SDC1: variants seen among roughly 807,000 people sequenced by gnomAD.
The protein encoded by SDC1 is syndecan-1.
Under a neutral mutation model 29.7 loss-of-function variants are expected in SDC1, and 14 were observed. The observed-to-expected ratio is 0.47, with a 90% CI of 0.31 to 0.74. SDC1 has a LOEUF of 0.74. Ranked by LOEUF, SDC1 falls within the 30% of genes least tolerant of loss-of-function variation. The pLI is 0.05. For synonymous variants in SDC1, 204 were observed against 175.5 expected (o/e 1.16, Z -1.29); for missense variants, 406 against 400.3 (o/e 1.01, Z -0.12).
At chr2:20,205,767 C>G (rs1677246929) in intron 1 of SDC1, among the ~76,000 whole-genome samples, 1 of 152,204 alleles carries the variant, frequency 6.6e-6, no homozygotes, top group African/African-American at 2.4e-5. Flanking sequence ...AGGCTGTGGT[C>G]CCCATGGGAC....
intron 1 of SDC1, among the ~76,000 whole-genome samples, chr2:20,219,514 C>A (rs1572473321): frequency 6.6e-6 from 1 of 152,238 alleles, no homozygotes; most frequent in Admixed American, 6.5e-5. Flanking sequence ...CCCAAACATA[C>A]CTCCTTGTGG....
At chr2:20,225,379 A>T (rs1366073992), upstream of SDC1, 1 of 151,838 alleles carries the variant, frequency 6.6e-6, no homozygotes, top group Non-Finnish European at 1.5e-5. Context: ...GCCGAGGCGC[A>T]CCCCCTTCTG....
chr2:20,212,525 G>A (rs1049265453), intron 1 of SDC1, among the ~76,000 whole-genome samples: 1 of 152,238 alleles, frequency 6.6e-6, no homozygotes, highest in Admixed American at 6.5e-5. Context: ...TGCAGATGGG[G>A]TCTGGGCCTC....
At position 20,202,378 on chromosome 2, in the gene SDC1, C is replaced by T; in HGVS notation, c.*388G>A. ...CAGTAAGTGCTACAGGTGTGTGAGC[C>T]CCAAGCCCCACCCGCAGGATCTTCC... On this transcript the variant is annotated 3_prime_UTR_variant, in exon 5 of 5. Coordinates refer to ENST00000254351, the MANE Select transcript of SDC1 (RefSeq NM_002997.5). The T allele has an allele frequency of 1.4e-6, 1 of 731,308 alleles. No homozygotes were observed. 45.3% of individuals were successfully genotyped at this position (731,308 alleles called of 1,614,324 possible).
intron 1 of SDC1, among the ~76,000 whole-genome samples, chr2:20,219,608 C>T (rs1394341115): frequency 6.6e-6 from 1 of 152,208 alleles, no homozygotes; most frequent in Non-Finnish European, 1.5e-5. Flanking sequence ...AGAATACATG[C>T]TCCCATCCAA....
At chr2:20,213,611 C>T (rs1031490948) in intron 1 of SDC1, among the ~76,000 whole-genome samples, 1 of 152,224 alleles carries the variant, frequency 6.6e-6, no homozygotes, top group Non-Finnish European at 1.5e-5. Flanking sequence ...CACTGTCCCT[C>T]CCCCAGCCCT....
Position 20,202,056 on chromosome 2 carries a change from C to T in SDC1, c.*710G>A, listed in dbSNP as rs1471856335. The T allele has an allele frequency of 1.8e-6, 1 of 543,370 alleles. No homozygotes were observed. Among genetic ancestry groups the T allele is most frequent in the Non-Finnish European group, 3.2e-6 (1 of 310,668 alleles). The allele number at this position is 543,370 out of a possible 1,614,324, so 33.7% of individuals were successfully genotyped here. A position where few individuals can be genotyped will look rare whatever the true frequency, so the allele number is the denominator to read the frequency against. On this transcript the variant is annotated 3_prime_UTR_variant, in exon 5 of 5. Transcript: ENST00000254351. ...ACAAACTCAAGAGACAACACACAAA[C>T]TAAGCCTACATTTTGGCTTCCAGAT... is the stretch of plus-strand genomic sequence containing the variant.
In SDC1 at chr2:20,206,552, T is replaced by C. The variant is rs538350212; in HGVS notation, c.67-1128A>G. On this transcript the variant is annotated intron_variant, in intron 1 of 4. Coordinates refer to ENST00000254351, the MANE Select transcript of SDC1 (RefSeq NM_002997.5). ...GAGAAGTGTGGCTTTGAGAGCCCTA[T>C]TCACCTGCGAGACTTAGACCCAAGG... is the stretch of plus-strand genomic sequence containing the variant. 6.4e-4 allele frequency among the ~76,000 whole-genome samples: 97 copies of C among 152,266 alleles called. 2 individuals carry two copies. The highest frequency in any genetic ancestry group is 1.3e-3 in the Non-Finnish European group (87 of 67,998).
chr2:20,202,148 AGATTAGGGAAGCAAGATG>A lies in SDC1; in HGVS notation c.*600_*617del, dbSNP rs1677029928. ...AACCCTGATGCTGTCTCCCGACCAT[AGATTAGGGAAGCAAGATG>A]GGGGGATACCGAATCAACTTACTTA... On this transcript the variant is annotated 3_prime_UTR_variant, in exon 5 of 5. Transcript: ENST00000254351. 5.0e-6 allele frequency: 3 copies of A among 605,278 alleles called. No individual in the cohort carries two copies. The Admixed American group carries it at 8.9e-5, about 18-fold the overall frequency. 37.5% of individuals were successfully genotyped at this position (605,278 alleles called of 1,614,324 possible). A position where few individuals can be genotyped will look rare whatever the true frequency, so the allele number is the denominator to read the frequency against.
At chr2:20,223,634 C>G (rs1436264066) in intron 1 of SDC1, among the ~76,000 whole-genome samples, 1 of 152,274 alleles carries the variant, frequency 6.6e-6, no homozygotes, top group East Asian at 1.9e-4. Context: ...GCGGCAGACT[C>G]GGGCACCGGG....
In SDC1 at chr2:20,202,942, C is replaced by A; in HGVS notation, c.764-7G>T. 6.2e-7 allele frequency: 1 copy of A among 1,603,184 alleles called. No homozygotes were observed. The highest frequency in any genetic ancestry group is 1.1e-5 in the South Asian group (1 of 90,028). On this transcript the variant is annotated splice_region_variant and splice_polypyrimidine_tract_variant and intron_variant, in intron 4 of 4. Coordinates refer to ENST00000254351, the MANE Select transcript of SDC1 (RefSeq NM_002997.5). ...AGGCCTCCGGCAATGACCCCTAGGG[C>A]AGGTAGACGGGGCCAGCTCAGCTCA...
rs1553347275 is a variant in SDC1, at chr2:20,222,110, C to CAG, written c.66+2690_66+2691dup. Among the ~76,000 whole-genome samples the CAG allele has an allele frequency of 5.3e-4, 80 of 151,202 alleles. No homozygotes were observed. The South Asian group carries it at 7.5e-3, about 14-fold the overall frequency. ...GTAAACACACACACACACACACACA[C>CAG]AGAGAGAAAGAGAGAGAGAAACCTT... On this transcript the variant is annotated intron_variant, in intron 1 of 4. Coordinates refer to ENST00000254351, the MANE Select transcript of SDC1 (RefSeq NM_002997.5).
At chr2:20,215,874 G>T (rs1677611048) in intron 1 of SDC1, among the ~76,000 whole-genome samples, 3 of 142,820 alleles carry the variant, frequency 2.1e-5, no homozygotes, top group Admixed American at 2.1e-4. Flanking sequence ...AACCACGCCA[G>T]CTAGTTCTCG....
intron 1 of SDC1, among the ~76,000 whole-genome samples, chr2:20,213,108 T>G (rs534452517): frequency 1.3e-5 from 2 of 152,080 alleles, no homozygotes; most frequent in African/African-American, 4.8e-5. Context: ...TCATGCCAGC[T>G]CCGATGCCCA....
intron 1 of SDC1, among the ~76,000 whole-genome samples, chr2:20,218,517 CCACACACACAGACACA>C (rs60283271): frequency 0.017 from 2,656 of 151,900 alleles, 81 homozygotes; most frequent in African/African-American, 0.059. Context: ...CACCCCCCCA[CCACACACACAGACACA>C]CACACACACA....
At chr2:20,206,484 C>T (rs3771254) in intron 1 of SDC1, among the ~76,000 whole-genome samples, 15,762 of 152,162 alleles carry the variant, frequency 0.1, 908 homozygotes, top group African/African-American at 0.16. Flanking sequence ...ACACTGGCCC[C>T]AAGACCTCAG....
chr2:20,220,234 A>G lies in SDC1; in HGVS notation c.66+4568T>C, dbSNP rs76144614. On this transcript the variant is annotated intron_variant, in intron 1 of 4. Coordinates refer to ENST00000254351, the MANE Select transcript of SDC1 (RefSeq NM_002997.5). ...CCCTCAGCCCAAAACGCTCATATCC[A>G]TGGTCTTCAGGACGGACCAGCAAAT... 4.0e-3 allele frequency among the ~76,000 whole-genome samples: 613 copies of G among 152,310 alleles called. 15 individuals carry two copies. The highest frequency in any genetic ancestry group is 0.012 in the East Asian group (64 of 5,182).
In SDC1 at chr2:20,213,083, G is replaced by A. The variant is rs548627306; in HGVS notation, c.67-7659C>T. 8.2e-4 allele frequency among the ~76,000 whole-genome samples: 125 copies of A among 152,250 alleles called. 1 individual carries two copies. Among genetic ancestry groups the A allele is most frequent in the Non-Finnish European group, 1.4e-3 (94 of 68,004 alleles). On this transcript the variant is annotated intron_variant, in intron 1 of 4. Coordinates refer to ENST00000254351, the MANE Select transcript of SDC1 (RefSeq NM_002997.5). ...ACCGGGGGCGTTTATTGAAGGAGGAGGGATCCTGGCAGCCTCATGCCAGCT... is the reference window on the plus strand; with the variant it reads ...ACCGGGGGCGTTTATTGAAGGAGGAAGGATCCTGGCAGCCTCATGCCAGCT...
intron 1 of SDC1, among the ~76,000 whole-genome samples, chr2:20,213,279 C>G (rs754266734): frequency 1.1e-4 from 17 of 152,330 alleles, no homozygotes; most frequent in Admixed American, 5.9e-4. Context: ...GCTTTCCCCC[C>G]CTGGCAAAAC....
Sources: gnomAD v4.1 joint callset for allele counts (sites outside exome capture counted in the v4.1 genomes callset) on GRCh38, gnomAD v4.1.1 for gene constraint, MANE v1.5 for transcripts, NCBI Gene and HGNC (gene_info 2026-07-23, HGNC 2026-07-21) for gene names.